Variants in ZNF827 observed in about 807,000 individuals in gnomAD.
ZNF827 encodes the protein zinc finger protein 827.
A neutral mutation model predicts 102.4 loss-of-function variants in ZNF827; 13 were observed. The ratio of observed to expected loss-of-function variants is 0.13; its 90% CI spans 0.08 to 0.20. ZNF827 has a LOEUF of 0.20. ZNF827 is among the 10% of genes least tolerant of loss of function. The probability of loss-of-function intolerance (pLI) is 1.00; values close to 1 mark genes in which losing one functional copy is unlikely to be tolerated. For synonymous variants in ZNF827, 523 were observed against 536.2 expected (o/e 0.98, Z 0.34); for missense variants, 1,103 against 1,344.4 (o/e 0.82, Z 2.81).
intron 1 of ZNF827, among the ~76,000 whole-genome samples, chr4:145,930,983 C>A (rs1216638089): frequency 1.3e-5 from 2 of 152,204 alleles, no homozygotes; most frequent in Non-Finnish European, 2.9e-5. Context: ...GTAACTACAA[C>A]AATTCTAGCC....
intron 1 of ZNF827, among the ~76,000 whole-genome samples, chr4:145,935,245 A>C (rs1754076086): frequency 6.6e-6 from 1 of 152,228 alleles, no homozygotes; most frequent in South Asian, 2.1e-4. Flanking sequence ...ATAAACAAAC[A>C]AACAAACAAA....
At chr4:145,812,416 T>C (rs1434035554) in intron 8 of ZNF827, among the ~76,000 whole-genome samples, 3 of 152,296 alleles carry the variant, frequency 2.0e-5, no homozygotes, top group African/African-American at 7.2e-5. Flanking sequence ...GTTTCTTTAG[T>C]GGTTGGCAAT....
chr4:145,889,525 G>A (rs1317036640), intron 3 of ZNF827, among the ~76,000 whole-genome samples: 2 of 150,480 alleles, frequency 1.3e-5, no homozygotes, highest in Non-Finnish European at 3.0e-5. Flanking sequence ...TACAGTTTGA[G>A]ATCTTAATCT....
chr4:145,858,111 G>A (rs924920744), intron 5 of ZNF827, among the ~76,000 whole-genome samples: 3 of 146,860 alleles, frequency 2.0e-5, no homozygotes, highest in Non-Finnish European at 4.5e-5. Flanking sequence ...ATGAACCAGA[G>A]TGCTGATGTG....
chr4:145,909,597 G>C (rs1752121431), intron 1 of ZNF827, among the ~76,000 whole-genome samples: 2 of 152,202 alleles, frequency 1.3e-5, no homozygotes. Flanking sequence ...CAGGGGGCGG[G>C]TTCTACAATG....
In ZNF827 at chr4:145,762,261, G is replaced by A. The variant is rs1447682953; in HGVS notation, c.*18-663C>T. Among the ~76,000 whole-genome samples, 1 of 152,132 alleles carries A rather than the reference G, an allele frequency of 6.6e-6. No individual in the cohort carries two copies. The highest frequency in any genetic ancestry group is 1.5e-5 in the Non-Finnish European group (1 of 68,024). On this transcript the variant is annotated intron_variant, in intron 14 of 14. Transcript: ENST00000508784. The surrounding 1 kb of genome is among the most constrained non-coding windows in gnomAD (Gnocchi z 4.9). ...ACAGGACTAGCTCTTTGTCAGGAAA[G>A]GAAGCTGAGGACTATGGCAGGGGCA... is the stretch of plus-strand genomic sequence containing the variant.
intron 7 of ZNF827, among the ~76,000 whole-genome samples, chr4:145,841,330 A>G (rs1340108305): frequency 6.6e-6 from 1 of 152,160 alleles, no homozygotes; most frequent in Admixed American, 6.6e-5. Flanking sequence ...AAGGATGTAG[A>G]TCTTCTTTTT....
intron 7 of ZNF827, among the ~76,000 whole-genome samples, chr4:145,829,867 AT>A (rs1744036935): frequency 6.7e-6 from 1 of 149,826 alleles, no homozygotes; most frequent in Non-Finnish European, 1.5e-5. Flanking sequence ...AAGAACTGAA[AT>A]GCCACAGATG....
chr4:145,936,261 T>A (rs902399986), intron 1 of ZNF827, among the ~76,000 whole-genome samples: 1 of 151,968 alleles, frequency 6.6e-6, no homozygotes, highest in Non-Finnish European at 1.5e-5. Flanking sequence ...GCGAGTTTTC[T>A]GTGAATCGCA....
At chr4:145,850,731 T>C (rs1300033043) in intron 5 of ZNF827, among the ~76,000 whole-genome samples, 1 of 152,178 alleles carries the variant, frequency 6.6e-6, no homozygotes, top group Non-Finnish European at 1.5e-5. Flanking sequence ...GGAACTACTG[T>C]GTACTCAGCA....
At position 145,892,320 on chromosome 4, in the gene ZNF827, T is replaced by A. The variant is rs1203679015; in HGVS notation, c.1189A>T (p.Thr397Ser). ...SYWKRHMVIH[T>S]GLKSHQCPLC... ...GGACACTGATGACTTTTTAAACCTG[T>A]GTGAATCACCATGTGCCGCTTCCAG... is the stretch of plus-strand genomic sequence containing the variant. Residue 397 changes from threonine (T) to serine (S), a missense_variant, in exon 3 of 15, where the codon ACA (threonine) becomes TCA (serine). This residue lies in a region of ZNF827 where 20 missense variants were observed against 60.6 expected (regional missense o/e 0.33). Transcript: ENST00000508784. 8.7e-6 allele frequency: 14 copies of A among 1,614,168 alleles called. 1 individual carries two copies. The highest frequency in any genetic ancestry group is 1.2e-5 in the Non-Finnish European group (14 of 1,180,006).
At chr4:145,898,688 G>C (rs190301524) in intron 2 of ZNF827, among the ~76,000 whole-genome samples, 1 of 152,132 alleles carries the variant, frequency 6.6e-6, no homozygotes, top group Non-Finnish European at 1.5e-5. Context: ...CAAGTGTCAC[G>C]TCTCTCTTGC....
chr4:145,816,124 C>A (rs111741479), intron 8 of ZNF827, among the ~76,000 whole-genome samples: 1,849 of 152,352 alleles, frequency 0.012, 49 homozygotes, highest in African/African-American at 0.041. Flanking sequence ...CCCACCCCAG[C>A]CTCCTGAATA....
chr4:145,931,953 T>C (rs1753838490), intron 1 of ZNF827, among the ~76,000 whole-genome samples: 1 of 152,130 alleles, frequency 6.6e-6, no homozygotes, highest in Non-Finnish European at 1.5e-5. Flanking sequence ...AATGTGATAG[T>C]ATTAGAGATG....
At chr4:145,772,445 C>T (rs931098016) in intron 11 of ZNF827, among the ~76,000 whole-genome samples, 2 of 152,252 alleles carry the variant, frequency 1.3e-5, no homozygotes, top group Non-Finnish European at 2.9e-5. Context: ...TACAGGAAAC[C>T]CTTGCTGTGA....
chr4:145,826,315 C>T (rs959111700), intron 7 of ZNF827, among the ~76,000 whole-genome samples: 1 of 152,168 alleles, frequency 6.6e-6, no homozygotes, highest in Non-Finnish European at 1.5e-5. Flanking sequence ...TGAGATGTTT[C>T]ATGTTAAAGT....
At chr4:145,913,189 G>A (rs143682460) in intron 1 of ZNF827, among the ~76,000 whole-genome samples, 2,951 of 152,156 alleles carry the variant, frequency 0.019, 49 homozygotes, top group Middle Eastern at 0.037. Flanking sequence ...ACTTTTGAAG[G>A]TCAAGGCTGG....
At chr4:145,921,309 C>A (rs1753045492) in intron 1 of ZNF827, among the ~76,000 whole-genome samples, 2 of 151,998 alleles carry the variant, frequency 1.3e-5, no homozygotes. Flanking sequence ...TGCTTCTTGG[C>A]AAAGTCTAGA....
Position 145,903,201 on chromosome 4 carries a change from C to T in ZNF827, c.58G>A (p.Glu20Lys). 6.2e-7 allele frequency: 1 copy of T among 1,609,452 alleles called. No homozygotes were observed. Among genetic ancestry groups the T allele is most frequent in the Admixed American group, 1.7e-5 (1 of 59,880 alleles). ...KRLPSHVSRQ[E>K]EAEGELSEGE... ...TCACTGAGCTCTCCCTCCGCCTCTT[C>T]CTGCCTACTAACATCTGGGGAGAAT... Residue 20 changes from glutamate (E) to lysine (K), a missense_variant, in exon 2 of 15, where the codon GAA (glutamate) becomes AAA (lysine). Glu to Lys is a moderately conservative substitution (Grantham distance 56). Around this residue, in one of 5 missense-constraint regions of ZNF827, gnomAD observed 441 missense variants for 458.6 expected, o/e 0.96. Coordinates refer to ENST00000508784, the MANE Select transcript of ZNF827 (RefSeq NM_001306215.2).
Sources: allele counts gnomAD v4.1 joint callset (sites outside exome capture counted in the v4.1 genomes callset), GRCh38; gene constraint gnomAD v4.1.1; regional missense constraint gnomAD v4.1.1; non-coding constraint Gnocchi (gnomAD v3.1); transcripts MANE v1.5; gene names NCBI Gene and HGNC (gene_info 2026-07-23, HGNC 2026-07-21).